GLRA1: variants seen among roughly 807,000 people sequenced by gnomAD.
GLRA1 encodes the protein glycine receptor alpha 1.
GLRA1 carries 37 observed loss-of-function variants against 48.3 expected under a neutral mutation model. That is an observed-to-expected ratio of 0.77 (90% CI 0.59 to 1.01). The LOEUF is 1.01. Ranked by LOEUF, GLRA1 falls within the 50% of genes least tolerant of loss-of-function variation. The pLI is 0.00. For missense variants in GLRA1, 427 were observed against 571.0 expected (o/e 0.75, Z 2.57); for synonymous variants, 196 against 210.7 (o/e 0.93, Z 0.60).
At chr5:151,833,291 A>T (rs890279882) in intron 7 of GLRA1, among the ~76,000 whole-genome samples, 1 of 152,206 alleles carries the variant, frequency 6.6e-6, no homozygotes, top group Non-Finnish European at 1.5e-5. Context: ...TCAAATTCAC[A>T]CATAACAATA....
intron 7 of GLRA1, among the ~76,000 whole-genome samples, chr5:151,833,510 G>A (rs553094457): frequency 3.3e-5 from 5 of 152,124 alleles, no homozygotes; most frequent in African/African-American, 1.2e-4. Context: ...GCCCCCCAGG[G>A]TGGAGTGCAA....
At chr5:151,892,900 TAAAAAG>T (rs1185799389) in intron 1 of GLRA1, among the ~76,000 whole-genome samples, 2 of 152,222 alleles carry the variant, frequency 1.3e-5, no homozygotes, top group Non-Finnish European at 2.9e-5. Flanking sequence ...CACAGTTTTT[TAAAAAG>T]TTGCTAAAGT....
chr5:151,853,476 A>C (rs890580111), intron 6 of GLRA1, among the ~76,000 whole-genome samples: 1 of 150,786 alleles, frequency 6.6e-6, no homozygotes, highest in African/African-American at 2.4e-5. Flanking sequence ...GGCTGGTCTA[A>C]AACTCCTGGC....
chr5:151,922,929 C>T (rs889778935), intron 1 of GLRA1, among the ~76,000 whole-genome samples: 2 of 152,228 alleles, frequency 1.3e-5, no homozygotes, highest in African/African-American at 4.8e-5. Context: ...ACAAATGTTA[C>T]AAAGTACCCA....
At chr5:151,865,067 C>G (rs932731109) in intron 3 of GLRA1, among the ~76,000 whole-genome samples, 2 of 152,162 alleles carry the variant, frequency 1.3e-5, no homozygotes, top group African/African-American at 4.8e-5. Flanking sequence ...TCTCTAAGAA[C>G]TTTTCCAAAT....
chr5:151,829,616 A>G (rs895868166), intron 7 of GLRA1, among the ~76,000 whole-genome samples: 14 of 152,374 alleles, frequency 9.2e-5, no homozygotes, highest in African/African-American at 3.4e-4. Flanking sequence ...ATTGAGATAT[A>G]ATTCACATAC....
chr5:151,870,542 T>C (rs923092873), intron 3 of GLRA1, among the ~76,000 whole-genome samples: 1 of 149,970 alleles, frequency 6.7e-6, no homozygotes, highest in Admixed American at 6.6e-5. Context: ...GCTTGTAATG[T>C]AATGAGAAGA....
chr5:151,844,299 T>C (rs1177349624), intron 7 of GLRA1, among the ~76,000 whole-genome samples: 1 of 151,972 alleles, frequency 6.6e-6, no homozygotes. Context: ...TTAATCTTCA[T>C]GACCTTGGAT....
At chr5:151,838,415 G>A (rs1763627864) in intron 7 of GLRA1, among the ~76,000 whole-genome samples, 1 of 152,130 alleles carries the variant, frequency 6.6e-6, no homozygotes, top group Admixed American at 6.5e-5. Context: ...ATTGTAGTGA[G>A]CCGAGATCGT....
chr5:151,850,455 A>G, intron 7 of GLRA1: 2 of 1,084,292 alleles, frequency 1.8e-6, no homozygotes, highest in Non-Finnish European at 2.9e-6. Context: ...CACCAAGGCC[A>G]TGTGGGAGGA....
At chr5:151,842,140 G>C (rs1763725674) in intron 7 of GLRA1, among the ~76,000 whole-genome samples, 2 of 150,186 alleles carry the variant, frequency 1.3e-5, no homozygotes, top group African/African-American at 4.9e-5. Context: ...ATTCGACAAA[G>C]AATTGTCCAG....
intron 1 of GLRA1, among the ~76,000 whole-genome samples, chr5:151,900,008 T>C (rs1754324448): frequency 6.6e-6 from 1 of 152,208 alleles, no homozygotes; most frequent in Admixed American, 6.5e-5. Context: ...CTCATCTGGT[T>C]CTGCCTCTGA....
chr5:151,824,105 A>G (rs1289743400), intron 8 of GLRA1, among the ~76,000 whole-genome samples: 2 of 150,506 alleles, frequency 1.3e-5, no homozygotes, highest in Admixed American at 6.6e-5. Context: ...TCAGTATAGG[A>G]TTCACTGGTG....
chr5:151,902,107 G>C (rs930088512), intron 1 of GLRA1, among the ~76,000 whole-genome samples: 3 of 152,152 alleles, frequency 2.0e-5, no homozygotes, highest in African/African-American at 7.2e-5. Flanking sequence ...TATAGGTTGG[G>C]AACAATGTAA....
intron 8 of GLRA1, among the ~76,000 whole-genome samples, chr5:151,827,107 C>T (rs1276847515): frequency 1.4e-5 from 2 of 143,940 alleles, no homozygotes; most frequent in Non-Finnish European, 3.0e-5. Context: ...GCAATCCTCT[C>T]ACCTCAGTCT....
chr5:151,824,321 G>GC (rs1561544247), intron 8 of GLRA1, among the ~76,000 whole-genome samples: 1 of 151,436 alleles, frequency 6.6e-6, no homozygotes, highest in African/African-American at 2.4e-5. Context: ...CCTCCAATCT[G>GC]CCCCCACCAC....
intron 1 of GLRA1, among the ~76,000 whole-genome samples, chr5:151,905,098 GC>G (rs2113442405): frequency 6.6e-6 from 1 of 152,206 alleles, no homozygotes; most frequent in East Asian, 1.9e-4. Flanking sequence ...CTGTCCAGTG[GC>G]AAAAACTATT....
rs560746961 is a variant in GLRA1, at chr5:151,848,511, C to T, written c.912+2879G>A. Among the ~76,000 whole-genome samples, 11 of 152,236 alleles carry T rather than the reference C, an allele frequency of 7.2e-5. No individual in the cohort carries two copies. The South Asian group carries it at 1.5e-3, about 20-fold the overall frequency. On this transcript the variant is annotated intron_variant, in intron 7 of 8. Transcript: ENST00000274576. ...CCTCCTGAGTAGCTGGGATTACAAG[C>T]GCGGGCCACCATGCCTGACTAAGAG...
intron 1 of GLRA1, among the ~76,000 whole-genome samples, chr5:151,911,584 T>C (rs1308596429): frequency 1.3e-5 from 2 of 151,352 alleles, no homozygotes; most frequent in East Asian, 1.9e-4. Flanking sequence ...TATGTATGAT[T>C]GATTCCCAAG....
Sources: gnomAD v4.1 joint callset for allele counts (sites outside exome capture counted in the v4.1 genomes callset) on GRCh38, gnomAD v4.1.1 for gene constraint, MANE v1.5 for transcripts, NCBI Gene and HGNC (gene_info 2026-07-23, HGNC 2026-07-21) for gene names.